Variants in RREB1 observed in about 807,000 individuals in gnomAD.
The protein encoded by RREB1 is ras responsive element binding protein 1, also known as ras-responsive element-binding protein 1.
RREB1 carries 27 observed loss-of-function variants against 117.8 expected under a neutral mutation model. That is an observed-to-expected ratio of 0.23 (90% CI 0.17 to 0.32). RREB1 has a LOEUF of 0.32. Ranked by LOEUF, RREB1 falls within the 10% of genes least tolerant of loss-of-function variation. The pLI is 1.00. For missense variants in RREB1, 2,577 were observed against 2,378.2 expected (o/e 1.08, Z -1.74); for synonymous variants, 1,298 against 1,026.7 (o/e 1.26, Z -5.05).
intron 1 of RREB1, among the ~76,000 whole-genome samples, chr6:7,122,172 G>A (rs1403034829): frequency 6.6e-6 from 1 of 152,206 alleles, no homozygotes; most frequent in Non-Finnish European, 1.5e-5. Context: ...TCTTTTATAA[G>A]GTATCAACCC....
chr6:7,209,559 T>C (rs1766464630), intron 6 of RREB1, among the ~76,000 whole-genome samples: 1 of 151,432 alleles, frequency 6.6e-6, no homozygotes. Flanking sequence ...TTAATTATTA[T>C]TCTATTTCTT....
intron 1 of RREB1, among the ~76,000 whole-genome samples, chr6:7,130,540 C>G (rs562593816): frequency 2.0e-5 from 3 of 152,136 alleles, no homozygotes; most frequent in Non-Finnish European, 2.9e-5. Context: ...CCAGCTGTTT[C>G]TCTATAGCTT....
chr6:7,122,899 A>G lies in RREB1; in HGVS notation c.-285+14839A>G, dbSNP rs1055249536. Among the ~76,000 whole-genome samples the G allele has an allele frequency of 1.1e-4, 16 of 152,262 alleles. No homozygotes were observed. In the Middle Eastern group the frequency reaches 0.01, roughly 97 times the overall value. ...CATTTAGAAACCAGTTTCTGCTGAC[A>G]AGCATGTATCAGCTCACTTTTGGAT... On this transcript the variant is annotated intron_variant, in intron 1 of 12. Transcript: ENST00000379938.
intron 1 of RREB1, among the ~76,000 whole-genome samples, chr6:7,141,816 A>ACGGGCAGC (rs1445054925): frequency 4.6e-5 from 7 of 152,172 alleles, no homozygotes; most frequent in African/African-American, 1.7e-4. Context: ...GCCCAGGAGA[A>ACGGGCAGC]CGGGCAGCCG....
chr6:7,116,241 C>G (rs568781049), intron 1 of RREB1, among the ~76,000 whole-genome samples: 9 of 152,310 alleles, frequency 5.9e-5, no homozygotes, highest in East Asian at 3.9e-4. Context: ...TCTTGTCACT[C>G]TCTTCTACCC....
At chr6:7,119,068 G>A (rs1340246000) in intron 1 of RREB1, among the ~76,000 whole-genome samples, 3 of 152,010 alleles carry the variant, frequency 2.0e-5, no homozygotes, top group Non-Finnish European at 2.9e-5. Context: ...GGGAAAGATA[G>A]TTGAAAGCCT....
intron 1 of RREB1, among the ~76,000 whole-genome samples, chr6:7,115,370 T>G (rs1460702563): frequency 3.9e-5 from 1 of 25,866 alleles, no homozygotes; most frequent in African/African-American, 1.6e-4. Flanking sequence ...CCCCCCAGCC[T>G]ATCACACAGA....
At chr6:7,158,708 C>T (rs1035429804) in intron 1 of RREB1, among the ~76,000 whole-genome samples, 7 of 152,142 alleles carry the variant, frequency 4.6e-5, no homozygotes, top group Non-Finnish European at 1.0e-4. Context: ...TATGGAGTTC[C>T]CCACCCCAAC....
At chr6:7,150,585 A>G (rs1203805302) in intron 1 of RREB1, among the ~76,000 whole-genome samples, 2 of 152,214 alleles carry the variant, frequency 1.3e-5, no homozygotes, top group Admixed American at 6.5e-5. Flanking sequence ...GGCAAGGGAA[A>G]TGCCACTAAT....
intron 1 of RREB1, among the ~76,000 whole-genome samples, chr6:7,164,072 G>A (rs568023625): frequency 2.0e-5 from 3 of 152,106 alleles, no homozygotes; most frequent in Non-Finnish European, 4.4e-5. Context: ...TAAGTTCTGT[G>A]GGGGGACAGC....
intron 8 of RREB1, among the ~76,000 whole-genome samples, chr6:7,219,730 C>T (rs1561787698): frequency 6.6e-6 from 1 of 152,162 alleles, no homozygotes; most frequent in Non-Finnish European, 1.5e-5. Flanking sequence ...TCTCTAAGCA[C>T]ATATCAGAGA....
intron 6 of RREB1, among the ~76,000 whole-genome samples, chr6:7,202,913 T>G (rs1394950912): frequency 2.6e-5 from 4 of 152,214 alleles, no homozygotes; most frequent in African/African-American, 7.2e-5. Context: ...CTTTTGTTTG[T>G]TTTTAAGAAT....
chr6:7,160,801 C>A (rs1763623390), intron 1 of RREB1, among the ~76,000 whole-genome samples: 1 of 138,418 alleles, frequency 7.2e-6, no homozygotes, highest in Non-Finnish European at 1.6e-5. Flanking sequence ...ATTCTCCTGC[C>A]TCAGCCTCCT....
chr6:7,159,712 A>G lies in RREB1; in HGVS notation c.-284-16943A>G, dbSNP rs1233085330. ...TGGCCTGCCTGAAACTGATGGCAGT[A>G]GTAAGTAAGGAAAAAGCCTGCCAGT... On this transcript the variant is annotated intron_variant, in intron 1 of 12. Transcript: ENST00000379938. 5.9e-5 allele frequency among the ~76,000 whole-genome samples: 9 copies of G among 152,262 alleles called. No individual in the cohort carries two copies. In the East Asian group the frequency reaches 7.7e-4, roughly 13 times the overall value.
chr6:7,238,223 A>G (rs1768466151), intron 10 of RREB1, among the ~76,000 whole-genome samples: 1 of 152,184 alleles, frequency 6.6e-6, no homozygotes, highest in Admixed American at 6.5e-5. Context: ...TAAATGAAAA[A>G]CAATAAGTAA....
intron 6 of RREB1, among the ~76,000 whole-genome samples, chr6:7,191,474 G>A (rs1220992761): frequency 6.6e-6 from 1 of 152,024 alleles, no homozygotes; most frequent in Non-Finnish European, 1.5e-5. Flanking sequence ...TATTTTTCTT[G>A]GTAGACACTT....
At chr6:7,168,380 A>G (rs1353024758) in intron 1 of RREB1, among the ~76,000 whole-genome samples, 1 of 152,190 alleles carries the variant, frequency 6.6e-6, no homozygotes, top group Non-Finnish European at 1.5e-5. Context: ...GTGTTATGCA[A>G]GATAGATTGT....
At chr6:7,167,036 A>C (rs886578088) in intron 1 of RREB1, among the ~76,000 whole-genome samples, 4 of 152,188 alleles carry the variant, frequency 2.6e-5, no homozygotes, top group Non-Finnish European at 5.9e-5. Flanking sequence ...CATTTCTACC[A>C]TACATTGTCA....
intron 1 of RREB1, among the ~76,000 whole-genome samples, chr6:7,145,728 C>G (rs538139219): frequency 6.6e-6 from 1 of 151,390 alleles, no homozygotes; most frequent in Admixed American, 6.6e-5. Flanking sequence ...AGTGAAATGT[C>G]AGCCCCAGTA....
Sources: allele counts gnomAD v4.1 joint callset (sites outside exome capture counted in the v4.1 genomes callset), GRCh38; gene constraint gnomAD v4.1.1; transcripts MANE v1.5; gene names NCBI Gene and HGNC (gene_info 2026-07-23, HGNC 2026-07-21).